Variants in KATNIP observed in about 807,000 individuals in gnomAD.
KATNIP encodes katanin interacting protein, also known as katanin-interacting protein.
KATNIP carries 126 observed loss-of-function variants against 174.0 expected under a neutral mutation model. That is an observed-to-expected ratio of 0.72 (90% CI 0.63 to 0.84). The LOEUF (loss-of-function observed/expected upper bound fraction) is 0.84, where lower values mean the gene tolerates loss of function less well. Ranked by LOEUF, KATNIP falls within the 40% of genes least tolerant of loss-of-function variation. KATNIP has a pLI of 0.00. For missense variants in KATNIP, 1,958 were observed against 2,109.7 expected (o/e 0.93, Z 1.41); for synonymous variants, 810 against 835.7 (o/e 0.97, Z 0.53).
At chr16:27,732,610 GA>G (rs2080736616) in intron 14 of KATNIP, among the ~76,000 whole-genome samples, 1 of 152,216 alleles carries the variant, frequency 6.6e-6, no homozygotes, top group Admixed American at 6.5e-5. Context: ...AGTCAGGGAG[GA>G]GGGGGAGACA....
At chr16:27,640,208 C>A (rs233459) in intron 5 of KATNIP, among the ~76,000 whole-genome samples, 4 of 152,202 alleles carry the variant, frequency 2.6e-5, no homozygotes, top group Non-Finnish European at 5.9e-5. Context: ...TCCTCCTCCC[C>A]CATATGATTG....
chr16:27,725,260 C>T lies in KATNIP; in HGVS notation c.1743+3565C>T, dbSNP rs1391466213. 4.6e-5 allele frequency among the ~76,000 whole-genome samples: 7 copies of T among 152,290 alleles called. No homozygotes were observed. In the South Asian group the frequency reaches 1.2e-3, roughly 27 times the overall value. On this transcript the variant is annotated intron_variant, in intron 14 of 27. Transcript: ENST00000261588. ...ATTAACCCCCAGTGATCCTATGAGG[C>T]AGGTGGTGGTATTTCCCATCTTATA...
intron 5 of KATNIP, 120 bp downstream of exon 5, chr16:27,631,282 C>A: frequency 1.4e-6 from 1 of 718,914 alleles, no homozygotes; most frequent in Admixed American, 2.5e-5. Flanking sequence ...CTCCTTTATG[C>A]AATCCCAGCA....
At chr16:27,657,054 T>C (rs2077318429) in intron 6 of KATNIP, among the ~76,000 whole-genome samples, 1 of 152,122 alleles carries the variant, frequency 6.6e-6, no homozygotes, top group African/African-American at 2.4e-5. Flanking sequence ...AAATTTGAGA[T>C]GAACTATATT....
chr16:27,600,672 C>T (rs887244380), intron 2 of KATNIP, among the ~76,000 whole-genome samples: 1 of 151,836 alleles, frequency 6.6e-6, no homozygotes, highest in African/African-American at 2.4e-5. Context: ...CACCCAGCCC[C>T]GCCAGTAATC....
At position 27,751,964 on chromosome 16, in the gene KATNIP, T is replaced by C. The variant is rs146539324; in HGVS notation, c.3552+40T>C. On this transcript the variant is annotated intron_variant, in intron 17 of 27. Transcript: ENST00000261588. ...GGGGGGCTGTGGGGGGACCCCCAGA[T>C]AGGTTTCTTCCCCTAACTCAGAGTA... The C allele has an allele frequency of 7.1e-3, 10,917 of 1,535,836 alleles. 53 individuals carry two copies. Among genetic ancestry groups the C allele is most frequent in the Non-Finnish European group, 8.5e-3 (9,722 of 1,138,516 alleles).
intron 8 of KATNIP, 44 bp from the exon 9 acceptor site, chr16:27,698,284 G>C: frequency 1.3e-6 from 2 of 1,565,446 alleles, no homozygotes; most frequent in Non-Finnish European, 1.7e-6. Context: ...GCTGCACTCC[G>C]AGAATATAAT....
At chr16:27,563,170 C>T (rs1231020268) in intron 1 of KATNIP, among the ~76,000 whole-genome samples, 1 of 152,112 alleles carries the variant, frequency 6.6e-6, no homozygotes, top group East Asian at 1.9e-4. Flanking sequence ...AAGAAAATGT[C>T]AGTAAGTGCC....
intron 6 of KATNIP, among the ~76,000 whole-genome samples, chr16:27,653,231 G>A (rs528295731): frequency 1.4e-4 from 21 of 152,340 alleles, no homozygotes; most frequent in Admixed American, 4.6e-4. Context: ...CCCTGAGAGC[G>A]TGATACGTGA....
intron 6 of KATNIP, 44 bp downstream of exon 6, chr16:27,648,779 G>A (rs765627735): frequency 1.3e-6 from 2 of 1,595,694 alleles, no homozygotes; most frequent in African/African-American, 2.7e-5. Flanking sequence ...CTGAAGGACG[G>A]CGAGGCTCGG....
chr16:27,618,554 T>C (rs2076108387), intron 3 of KATNIP, 53 bp downstream of exon 3: 3 of 1,296,216 alleles, frequency 2.3e-6, no homozygotes, highest in South Asian at 1.2e-5. Context: ...TAAAAATCTA[T>C]TTAGATTTAT....
At chr16:27,647,903 G>C (rs577325348) in intron 5 of KATNIP, among the ~76,000 whole-genome samples, 2 of 151,960 alleles carry the variant, frequency 1.3e-5, no homozygotes, top group African/African-American at 2.4e-5. Flanking sequence ...CTCCTGCCTC[G>C]GCCTTCCAAA....
chr16:27,616,447 C>CG (rs1425754498), intron 2 of KATNIP, among the ~76,000 whole-genome samples: 3 of 152,030 alleles, frequency 2.0e-5, no homozygotes, highest in Admixed American at 1.3e-4. Context: ...TACATGAGGC[C>CG]GGGCGCAGTG....
chr16:27,731,331 C>T (rs1318984661), intron 14 of KATNIP, among the ~76,000 whole-genome samples: 1 of 152,206 alleles, frequency 6.6e-6, no homozygotes, highest in Non-Finnish European at 1.5e-5. Context: ...GCCAGGCCAA[C>T]CTTGAGCAGC....
intron 6 of KATNIP, among the ~76,000 whole-genome samples, chr16:27,664,842 A>T (rs1597105650): frequency 6.6e-6 from 1 of 152,214 alleles, no homozygotes; most frequent in East Asian, 1.9e-4. Context: ...TCAGGGCCGT[A>T]AAAACTTCCA....
Position 27,677,862 on chromosome 16 carries a change from A to T in KATNIP, c.674A>T (p.His225Leu). ...CCAGAGGACCCGGCACTGGTGGGCC[A>T]TCCCAGACATGACCGCCCTCCTTCC... ...PEPEDPALVG[H>L]PRHDRPPSSG... The change falls in exon 7 of 28, where the codon CAT becomes CTT. Residue 225 changes from histidine to leucine, a missense_variant. Around this residue, in one of 3 missense-constraint regions of KATNIP, gnomAD observed 1,557 missense variants for 1,617.8 expected, o/e 0.96. Transcript: ENST00000261588. 1 of 1,614,230 alleles carries T rather than the reference A, an allele frequency of 6.2e-7. No homozygotes were observed. The highest frequency in any genetic ancestry group is 1.6e-4 in the Middle Eastern group (1 of 6,062).
intron 5 of KATNIP, among the ~76,000 whole-genome samples, chr16:27,646,960 T>G (rs2076975341): frequency 6.6e-6 from 1 of 152,216 alleles, no homozygotes; most frequent in Non-Finnish European, 1.5e-5. Context: ...CTGGGGAAGC[T>G]GGCCCCTGCC....
At chr16:27,663,778 A>G (rs2077599582) in intron 6 of KATNIP, among the ~76,000 whole-genome samples, 1 of 151,712 alleles carries the variant, frequency 6.6e-6, no homozygotes, top group Non-Finnish European at 1.5e-5. Context: ...TAATTGGCTT[A>G]TTAGTTTAGG....
intron 5 of KATNIP, among the ~76,000 whole-genome samples, chr16:27,639,484 G>C (rs2076733615): frequency 6.6e-6 from 1 of 152,236 alleles, no homozygotes; most frequent in Admixed American, 6.5e-5. Flanking sequence ...CCAAAATGCT[G>C]TCAGATTTGA....
Sources: allele counts gnomAD v4.1 joint callset (sites outside exome capture counted in the v4.1 genomes callset), GRCh38; gene constraint gnomAD v4.1.1; regional missense constraint gnomAD v4.1.1; transcripts MANE v1.5; gene names NCBI Gene and HGNC (gene_info 2026-07-23, HGNC 2026-07-21).